The following ZNF488 variants were observed in gnomAD, a reference collection of about 807,000 sequenced individuals.
The protein encoded by ZNF488 is zinc finger protein 488.
In ZNF488, 1 loss-of-function variant was observed where a neutral mutation model predicts 1.2. The observed-to-expected ratio is 0.86, with a 90% CI of 0.30 to 4.07. The LOEUF is 4.07. Among genes scored for constraint, ZNF488 ranks in the 30% most tolerant of loss-of-function variants. ZNF488 has a pLI of 0.18. For synonymous variants in ZNF488, 185 were observed against 190.1 expected (o/e 0.97, Z 0.22); for missense variants, 450 against 437.9 (o/e 1.03, Z -0.25).
At position 47,375,188 on chromosome 10, in the gene ZNF488, G is replaced by A. The variant is rs76144865; in HGVS notation, c.-108-6251C>T. 1.3e-4 allele frequency among the ~76,000 whole-genome samples: 20 copies of A among 152,362 alleles called. No homozygotes were observed. In the East Asian group the frequency reaches 3.5e-3, roughly 26 times the overall value. On this transcript the variant is annotated intron_variant, in intron 1 of 1. Transcript: ENST00000585316. ...TGATCAGGAATGTTTCAAGTTAGCT[G>A]TTTTAACTCAGACATTATTCAAAAC...
chr10:47,383,010 A>G (rs1236151014), intron 1 of ZNF488, among the ~76,000 whole-genome samples: 4 of 152,342 alleles, frequency 2.6e-5, no homozygotes, highest in African/African-American at 7.2e-5. Context: ...AAATATCATT[A>G]AAAACTAAAT....
chr10:47,368,480 G>C lies in ZNF488; in HGVS notation c.350C>G (p.Ala117Gly), dbSNP rs781909417. 6.2e-7 allele frequency: 1 copy of C among 1,613,626 alleles called. No individual in the cohort carries two copies. Among genetic ancestry groups the C allele is most frequent in the Non-Finnish European group, 8.5e-7 (1 of 1,179,956 alleles). ...RMKDRQVDAQ[A>G]QEREHDDPTG... ...GGGGTCATCGTGCTCCCTCTCCTGG[G>C]CCTGAGCATCCACCTGCCGGTCCTT... The change falls in exon 2 of 2, where the codon GCC becomes GGC. Residue 117 changes from alanine to glycine, a missense_variant. Physicochemically the swap from Ala to Gly is moderately conservative, Grantham distance 60 (BLOSUM62 0). Transcript: ENST00000585316.
At position 47,365,591 on chromosome 10, in the gene ZNF488, G is replaced by C. The variant is rs1392234645; in HGVS notation, c.*2216C>G. The C allele has an allele frequency of 1.2e-5, 2 of 167,140 alleles. No individual in the cohort carries two copies. Among genetic ancestry groups the C allele is most frequent in the Non-Finnish European group, 2.9e-5 (2 of 68,160 alleles). The allele number at this position is 167,140 out of a possible 1,614,324, so 10.4% of individuals were successfully genotyped here. A position where few individuals can be genotyped will look rare whatever the true frequency, so the allele number is the denominator to read the frequency against. ...AAACAAACCAATCTCTGTTCCCAAG[G>C]AGCTGACAGTGTGGAGGCAGCAAAT... On this transcript the variant is annotated 3_prime_UTR_variant, in exon 2 of 2. Coordinates refer to ENST00000585316, the MANE Select transcript of ZNF488 (RefSeq NM_153034.4).
chr10:47,367,612 T>A lies in ZNF488; in HGVS notation c.*195A>T. ...TGGATTTGCAAAGCCCATCACTTTA[T>A]TTCAGGACTTCATTTCCTTCAAAAC... On this transcript the variant is annotated 3_prime_UTR_variant, in exon 2 of 2. Coordinates refer to ENST00000585316, the MANE Select transcript of ZNF488 (RefSeq NM_153034.4). The A allele has an allele frequency of 1.4e-6, 1 of 691,676 alleles. No individual in the cohort carries two copies. Among genetic ancestry groups the A allele is most frequent in the East Asian group, 2.8e-5 (1 of 35,952 alleles). The allele number at this position is 691,676 out of a possible 1,614,324, so 42.8% of individuals were successfully genotyped here.
In ZNF488 at chr10:47,368,755, C is replaced by T. The variant is rs782634031; in HGVS notation, c.75G>A (p.Pro25=). 1.6e-5 allele frequency: 26 copies of T among 1,612,930 alleles called. No homozygotes were observed. Among genetic ancestry groups the T allele is most frequent in the Middle Eastern group, 1.6e-4 (1 of 6,078 alleles). ...VITMAAGKGA[P]LSPSAENRWR... is the part of the protein sequence containing the mutation. Reference sequence around the variant, plus strand: ...ATCTGTTTTCAGCCGATGGGCTCAACGGGGCTCCCTTCCCAGCTGCCATGG... The same window carrying T: ...ATCTGTTTTCAGCCGATGGGCTCAATGGGGCTCCCTTCCCAGCTGCCATGG... The change falls in exon 2 of 2, where the codon CCG becomes CCA. Residue 25 remains proline (P), a synonymous_variant. Transcript: ENST00000585316.
chr10:47,379,238 A>AT lies in ZNF488; in HGVS notation c.-109+4981dup, dbSNP rs146539165. Among the ~76,000 whole-genome samples, 958 of 146,862 alleles carry AT rather than the reference A, an allele frequency of 6.5e-3. 10 individuals are homozygous for AT. Among genetic ancestry groups the AT allele is most frequent in the African/African-American group, 0.023 (864 of 37,596 alleles). The stretch of plus-strand genomic sequence containing the variant: ...TGAAATAAGGCACCTTGTTCATTTC[A>AT]TTTTCATAAAAACCATATGAGGGAA... On this transcript the variant is annotated intron_variant, in intron 1 of 1. Coordinates refer to ENST00000585316, the MANE Select transcript of ZNF488 (RefSeq NM_153034.4).
intron 1 of ZNF488, among the ~76,000 whole-genome samples, chr10:47,371,607 T>G (rs1555213870): frequency 6.6e-6 from 1 of 152,122 alleles, no homozygotes; most frequent in Admixed American, 6.5e-5. Context: ...TCTAGTCTTA[T>G]TTTAGCATTT....
At chr10:47,380,657 A>G (rs1345092531) in intron 1 of ZNF488, among the ~76,000 whole-genome samples, 7 of 151,566 alleles carry the variant, frequency 4.6e-5, no homozygotes, top group Non-Finnish European at 7.4e-5. Context: ...TCTGGGAACC[A>G]CTGGCCACAT....
chr10:47,372,147 C>T (rs985653456), intron 1 of ZNF488, among the ~76,000 whole-genome samples: 7 of 152,346 alleles, frequency 4.6e-5, no homozygotes, highest in East Asian at 1.9e-4. Context: ...AGACTGGTGA[C>T]TCTCAACACT....
intron 1 of ZNF488, among the ~76,000 whole-genome samples, chr10:47,369,615 G>C (rs577986706): frequency 3.4e-4 from 52 of 152,212 alleles, no homozygotes; most frequent in African/African-American, 1.2e-3. Flanking sequence ...GCTTCTGCGC[G>C]GTCTCTGATT....
chr10:47,380,060 G>A lies in ZNF488; in HGVS notation c.-109+4160C>T, dbSNP rs1207468537. On this transcript the variant is annotated intron_variant, in intron 1 of 1. Coordinates refer to ENST00000585316, the MANE Select transcript of ZNF488 (RefSeq NM_153034.4). The stretch of plus-strand genomic sequence containing the variant: ...CCCTAGACGGCGATGGATCTATGAA[G>A]CCCTTGTTCTCCTTGCTCCGAACAT... 2.0e-5 allele frequency among the ~76,000 whole-genome samples: 3 copies of A among 152,210 alleles called. No homozygotes were observed. In the South Asian group the frequency reaches 6.2e-4, roughly 32 times the overall value.
At chr10:47,380,757 G>A (rs542968122) in intron 1 of ZNF488, among the ~76,000 whole-genome samples, 1 of 17,208 alleles carries the variant, frequency 5.8e-5, no homozygotes, top group Non-Finnish European at 1.6e-4. Context: ...CTCCACGGTT[G>A]GAGGCCAGCT....
rs144651477 is a variant in ZNF488 at position 47,368,399 on chromosome 10, C to T, written c.431G>A (p.Gly144Asp). 8 of 1,614,166 alleles carry T rather than the reference C, an allele frequency of 5.0e-6. No homozygotes were observed. Among genetic ancestry groups the T allele is most frequent in the Non-Finnish European group, 5.9e-6 (7 of 1,180,036 alleles). The change falls in exon 2 of 2, where the codon GGC (glycine) becomes GAC (aspartate). Residue 144 changes from glycine to aspartate, a missense_variant. By Grantham distance (94) the Gly-to-Asp change is moderately conservative. Transcript: ENST00000585316. ...LTQNIPRGPA[G>D]SKVFSVWPSG... ...GGGCCACACAGAGAAGACTTTGCTG[C>T]CAGCTGGGCCTCTGGGGATGTTCTG... is the stretch of plus-strand genomic sequence containing the variant.
intron 1 of ZNF488, among the ~76,000 whole-genome samples, chr10:47,377,506 T>C (rs910996301): frequency 6.6e-6 from 1 of 151,922 alleles, no homozygotes; most frequent in Non-Finnish European, 1.5e-5. Context: ...CAGAGCACTA[T>C]ACCTCCAGGA....
chr10:47,378,862 C>T (rs1446486454), intron 1 of ZNF488, among the ~76,000 whole-genome samples: 1 of 152,226 alleles, frequency 6.6e-6, no homozygotes, highest in Non-Finnish European at 1.5e-5. Context: ...CTCCACACCA[C>T]TCCTGATGCC....
chr10:47,380,934 G>T (rs560112229), intron 1 of ZNF488, among the ~76,000 whole-genome samples: 35 of 152,350 alleles, frequency 2.3e-4, no homozygotes, highest in African/African-American at 7.9e-4. Flanking sequence ...AAACATTAGG[G>T]GTATCACTTC....
In ZNF488 at chr10:47,368,202, G is replaced by A; in HGVS notation, c.628C>T (p.Pro210Ser). 2.5e-6 allele frequency: 4 copies of A among 1,614,230 alleles called. No homozygotes were observed. The highest frequency in any genetic ancestry group is 3.4e-6 in the Non-Finnish European group (4 of 1,180,050). ...CACAAATCACCAACCAAAAGCTTGG[G>A]AGTTGAAAGTCGACCCCAACAAGCG... ...DLACWGRLST[P>S]KLLVGDLWNL... The change falls in exon 2 of 2, where the codon CCC (proline) becomes TCC (serine). Residue 210 changes from proline to serine, a missense_variant. Pro to Ser is a moderately conservative substitution (Grantham distance 74). Coordinates refer to ENST00000585316, the MANE Select transcript of ZNF488 (RefSeq NM_153034.4).
intron 1 of ZNF488, among the ~76,000 whole-genome samples, chr10:47,372,965 C>T (rs1049016433): frequency 9.2e-5 from 14 of 152,066 alleles, no homozygotes; most frequent in African/African-American, 3.4e-4. Context: ...CACCTCCTGC[C>T]GGGTGTTGAC....
At chr10:47,377,764 C>G (rs1321516200) in intron 1 of ZNF488, among the ~76,000 whole-genome samples, 1 of 151,988 alleles carries the variant, frequency 6.6e-6, no homozygotes, top group Non-Finnish European at 1.5e-5. Context: ...CTGCACCTGT[C>G]AGCATCTAGC....
Sources: allele counts gnomAD v4.1 joint callset (sites outside exome capture counted in the v4.1 genomes callset), GRCh38; gene constraint gnomAD v4.1.1; transcripts MANE v1.5; gene names NCBI Gene and HGNC (gene_info 2026-07-23, HGNC 2026-07-21).